LRMDA: variants seen among roughly 807,000 people sequenced by gnomAD.
The protein encoded by LRMDA is leucine-rich melanocyte differentiation-associated protein.
LRMDA carries 18 observed loss-of-function variants against 29.8 expected under a neutral mutation model. The ratio of observed to expected loss-of-function variants is 0.60; its 90% CI spans 0.42 to 0.90. The LOEUF (loss-of-function observed/expected upper bound fraction) is 0.90, where lower values mean the gene tolerates loss of function less well. LRMDA is among the 40% of genes least tolerant of loss of function. The pLI is 0.00. For missense variants in LRMDA, 273 were observed against 273.9 expected (o/e 1.00, Z 0.02); for synonymous variants, 125 against 109.4 (o/e 1.14, Z -0.89).
intron 2 of LRMDA, among the ~76,000 whole-genome samples, chr10:75,945,935 T>C (rs1390654424): frequency 6.6e-6 from 1 of 152,188 alleles, no homozygotes; most frequent in Non-Finnish European, 1.5e-5. Flanking sequence ...TTGCAGATTT[T>C]CAACTAGAAC....
At chr10:76,004,990 G>A (rs1394245030) in intron 2 of LRMDA, among the ~76,000 whole-genome samples, 4 of 152,140 alleles carry the variant, frequency 2.6e-5, no homozygotes, top group Non-Finnish European at 4.4e-5. Context: ...GCCTCCCAAA[G>A]TGCTGGGATT....
intron 5 of LRMDA, among the ~76,000 whole-genome samples, chr10:76,214,332 T>A (rs12766113): frequency 0.02 from 1,694 of 83,926 alleles, 33 homozygotes; most frequent in East Asian, 0.098. Context: ...TGAACCAAAT[T>A]TTTTTTTTTT....
At chr10:76,077,757 A>G (rs1255209714) in intron 5 of LRMDA, among the ~76,000 whole-genome samples, 1 of 152,064 alleles carries the variant, frequency 6.6e-6, no homozygotes, top group Non-Finnish European at 1.5e-5. Context: ...AGATTTGCCA[A>G]GCAGCAACGA....
Position 75,709,577 on chromosome 10 carries a change from A to G in LRMDA, c.131+271083A>G, listed in dbSNP as rs536812395. Among the ~76,000 whole-genome samples the G allele has an allele frequency of 9.1e-4, 139 of 152,146 alleles. 1 individual carries two copies. Among genetic ancestry groups the G allele is most frequent in the Non-Finnish European group, 1.1e-3 (73 of 67,998 alleles). ...CCATTGGCAGGTGAGATCATATTCC[A>G]GTCAAGGTCAATTAATCGTGCAGAA... On this transcript the variant is annotated intron_variant, in intron 2 of 6. Coordinates refer to ENST00000611255, the MANE Select transcript of LRMDA (RefSeq NM_001305581.2).
intron 2 of LRMDA, among the ~76,000 whole-genome samples, chr10:75,949,190 A>G (rs76401735): frequency 0.043 from 6,577 of 152,206 alleles, 299 homozygotes; most frequent in African/African-American, 0.11. Context: ...GGTGTTTAGG[A>G]GGGGTGTCCT....
intron 5 of LRMDA, among the ~76,000 whole-genome samples, chr10:76,069,388 G>A (rs1346542893): frequency 6.6e-5 from 10 of 152,180 alleles, no homozygotes; most frequent in Non-Finnish European, 1.2e-4. Flanking sequence ...CTCTGTAATT[G>A]GGACTTCCTT....
intron 6 of LRMDA, among the ~76,000 whole-genome samples, chr10:76,512,018 T>C (rs539357792): frequency 3.9e-5 from 6 of 152,318 alleles, no homozygotes; most frequent in African/African-American, 1.4e-4. Context: ...GTAATTCCCA[T>C]ATGTTATGGG....
intron 6 of LRMDA, among the ~76,000 whole-genome samples, chr10:76,515,150 T>C (rs1843047452): frequency 6.6e-6 from 1 of 152,218 alleles, no homozygotes; most frequent in Admixed American, 6.5e-5. Flanking sequence ...TGTGATGTGC[T>C]GTTTCTGCTT....
chr10:75,696,746 T>G (rs914500381), intron 2 of LRMDA, among the ~76,000 whole-genome samples: 13 of 152,164 alleles, frequency 8.5e-5, no homozygotes, highest in African/African-American at 3.1e-4. Context: ...GGAGATGCAA[T>G]CTGGTTTCCT....
At chr10:76,071,882 CA>C (rs1391572337) in intron 5 of LRMDA, among the ~76,000 whole-genome samples, 3 of 152,158 alleles carry the variant, frequency 2.0e-5, no homozygotes, top group Non-Finnish European at 4.4e-5. Flanking sequence ...TCTTACATGA[CA>C]TTTAATATGT....
At chr10:75,900,250 T>C (rs184761867) in intron 2 of LRMDA, among the ~76,000 whole-genome samples, 5 of 152,340 alleles carry the variant, frequency 3.3e-5, no homozygotes, top group Non-Finnish European at 1.5e-5. Flanking sequence ...GTCTGTCAAA[T>C]GTTTCCCTCT....
At chr10:75,750,619 C>T (rs575282363) in intron 2 of LRMDA, among the ~76,000 whole-genome samples, 14 of 145,996 alleles carry the variant, frequency 9.6e-5, no homozygotes, top group South Asian at 4.4e-4. Flanking sequence ...CGGGCAGAGG[C>T]GCTCCTCACA....
chr10:76,144,483 GCTCT>G (rs1219035907), intron 5 of LRMDA, among the ~76,000 whole-genome samples: 7 of 152,034 alleles, frequency 4.6e-5, no homozygotes, highest in Non-Finnish European at 8.8e-5. Context: ...TCATGATTTG[GCTCT>G]CTGTTTGTCT....
intron 2 of LRMDA, among the ~76,000 whole-genome samples, chr10:75,496,456 T>G (rs1447112502): frequency 1.3e-5 from 2 of 152,242 alleles, no homozygotes; most frequent in Non-Finnish European, 2.9e-5. Flanking sequence ...GCTAAGTGCT[T>G]AGTAAATGTT....
At chr10:75,575,677 G>A (rs541663856) in intron 2 of LRMDA, among the ~76,000 whole-genome samples, 1 of 152,268 alleles carries the variant, frequency 6.6e-6, no homozygotes, top group Admixed American at 6.5e-5. Flanking sequence ...TACCTTGTTT[G>A]TCTCATTGGG....
At chr10:76,476,550 T>G (rs1357484426) in intron 6 of LRMDA, among the ~76,000 whole-genome samples, 1 of 152,170 alleles carries the variant, frequency 6.6e-6, no homozygotes, top group Non-Finnish European at 1.5e-5. Flanking sequence ...ACTCATTTTA[T>G]GAGGCCAGCA....
chr10:75,714,857 C>CCTTCCCTT (rs1554821961), intron 2 of LRMDA, among the ~76,000 whole-genome samples: 57 of 131,742 alleles, frequency 4.3e-4, no homozygotes, highest in African/African-American at 1.8e-3. Context: ...CTCCCTCCCT[C>CCTTCCCTT]CCTTCCTTCC....
intron 2 of LRMDA, among the ~76,000 whole-genome samples, chr10:75,891,593 G>A (rs1845492259): frequency 6.6e-6 from 1 of 152,146 alleles, no homozygotes; most frequent in South Asian, 2.1e-4. Flanking sequence ...TCAGGACTTT[G>A]GGTTTTATTG....
At chr10:75,974,991 C>G (rs573453150) in intron 2 of LRMDA, among the ~76,000 whole-genome samples, 2 of 152,272 alleles carry the variant, frequency 1.3e-5, no homozygotes, top group South Asian at 4.2e-4. Context: ...CGATGACCAC[C>G]AAGTATGTAC....
Sources: gnomAD v4.1 joint callset for allele counts (sites outside exome capture counted in the v4.1 genomes callset) on GRCh38, gnomAD v4.1.1 for gene constraint, MANE v1.5 for transcripts, NCBI Gene and HGNC (gene_info 2026-07-23, HGNC 2026-07-21) for gene names.